The following GRM1 variants were observed in gnomAD, a reference collection of about 807,000 sequenced individuals.
The protein encoded by GRM1 is glutamate metabotropic receptor 1, also known as metabotropic glutamate receptor 1.
In GRM1, 33 loss-of-function variants were observed where a neutral mutation model predicts 90.9. The ratio of observed to expected loss-of-function variants is 0.36; its 90% CI spans 0.28 to 0.49. The LOEUF is 0.49. Among genes scored for constraint, GRM1 ranks in the 20% least tolerant of loss-of-function variants. The pLI is 0.99. For synonymous variants in GRM1, 700 were observed against 613.2 expected (o/e 1.14, Z -2.09); for missense variants, 1,190 against 1,534.3 (o/e 0.78, Z 3.75).
intron 5 of GRM1, among the ~76,000 whole-genome samples, chr6:146,385,261 C>T (rs140815899): frequency 7.2e-5 from 11 of 151,852 alleles, no homozygotes; most frequent in Non-Finnish European, 8.8e-5. Flanking sequence ...TTCAGAAGAA[C>T]GAAATAACAA....
chr6:146,222,211 C>T (rs1780086596), intron 2 of GRM1, among the ~76,000 whole-genome samples: 1 of 152,090 alleles, frequency 6.6e-6, no homozygotes. Flanking sequence ...CTTGGAGGGA[C>T]AATACATATT....
At chr6:146,279,605 T>A (rs1782495369) in intron 2 of GRM1, among the ~76,000 whole-genome samples, 1 of 152,146 alleles carries the variant, frequency 6.6e-6, no homozygotes, top group East Asian at 1.9e-4. Flanking sequence ...TTCAAAATAT[T>A]TGGTGATTTT....
At chr6:146,199,790 G>C (rs1332373380) in intron 2 of GRM1, among the ~76,000 whole-genome samples, 2 of 152,128 alleles carry the variant, frequency 1.3e-5, no homozygotes, top group South Asian at 2.1e-4. Context: ...GGCCAAGGAA[G>C]GCAAATCACC....
intron 7 of GRM1, among the ~76,000 whole-genome samples, chr6:146,414,167 G>T (rs1777674507): frequency 6.6e-6 from 1 of 152,046 alleles, no homozygotes; most frequent in Non-Finnish European, 1.5e-5. Context: ...CTCCTACCAA[G>T]AATGTATGAG....
chr6:146,194,207 C>T (rs1779033865), intron 2 of GRM1, among the ~76,000 whole-genome samples: 1 of 152,104 alleles, frequency 6.6e-6, no homozygotes. Flanking sequence ...CTCATATCTT[C>T]TTTGTCCAGT....
chr6:146,169,306 C>T (rs973686166), intron 2 of GRM1, among the ~76,000 whole-genome samples: 3 of 152,060 alleles, frequency 2.0e-5, no homozygotes, highest in African/African-American at 2.4e-5. Flanking sequence ...CTTTTCTTAA[C>T]ATGGTCATTC....
intron 2 of GRM1, among the ~76,000 whole-genome samples, chr6:146,174,959 G>A (rs886185693): frequency 6.6e-6 from 1 of 152,226 alleles, no homozygotes; most frequent in Admixed American, 6.5e-5. Flanking sequence ...GCCCAGGTGA[G>A]ATCTGGCTTC....
At chr6:146,300,738 A>T (rs1294674837) in intron 2 of GRM1, among the ~76,000 whole-genome samples, 3 of 151,916 alleles carry the variant, frequency 2.0e-5, no homozygotes, top group African/African-American at 7.2e-5. Flanking sequence ...TACCCAGCAC[A>T]GCAGGATTCA....
intron 2 of GRM1, among the ~76,000 whole-genome samples, chr6:146,170,009 C>T (rs1778047176): frequency 6.6e-6 from 1 of 152,084 alleles, no homozygotes; most frequent in Non-Finnish European, 1.5e-5. Flanking sequence ...TTTATTTCAC[C>T]TTTAATTTTG....
chr6:146,382,293 A>G (rs556142598), intron 5 of GRM1, among the ~76,000 whole-genome samples: 4 of 149,118 alleles, frequency 2.7e-5, no homozygotes, highest in Non-Finnish European at 5.9e-5. Flanking sequence ...AAACTAGAAC[A>G]TATATAAGAG....
chr6:146,037,756 C>T (rs1029913114), intron 1 of GRM1, among the ~76,000 whole-genome samples: 9 of 152,018 alleles, frequency 5.9e-5, no homozygotes, highest in Non-Finnish European at 1.2e-4. Flanking sequence ...TCTTTAGCAA[C>T]CCACTTACCC....
chr6:146,400,740 A>G (rs948889758), intron 7 of GRM1, among the ~76,000 whole-genome samples: 1 of 152,160 alleles, frequency 6.6e-6, no homozygotes, highest in Non-Finnish European at 1.5e-5. Context: ...CACCAGCAGC[A>G]TTAATTTCAC....
At chr6:146,220,026 C>T (rs546958245) in intron 2 of GRM1, among the ~76,000 whole-genome samples, 4 of 151,960 alleles carry the variant, frequency 2.6e-5, no homozygotes, top group African/African-American at 4.8e-5. Flanking sequence ...ACCGTGAGTA[C>T]GTAGAATTAC....
chr6:146,100,209 A>G (rs921407556), intron 1 of GRM1, among the ~76,000 whole-genome samples: 2 of 151,974 alleles, frequency 1.3e-5, no homozygotes, highest in African/African-American at 4.8e-5. Flanking sequence ...TTCTTTGCCT[A>G]CTCTTCTATT....
At chr6:146,276,927 C>T (rs1021354164) in intron 2 of GRM1, among the ~76,000 whole-genome samples, 3 of 151,952 alleles carry the variant, frequency 2.0e-5, no homozygotes, top group African/African-American at 7.2e-5. Flanking sequence ...ATAGTGATAC[C>T]CCCATCTCTA....
rs1472403424 is a variant in GRM1, at chr6:146,219,691, A to AAATATATTGGGTAAATATATGTG, written c.950+60094_950+60095insAATATATTGGGTAAATATATGTG. 4.7e-3 allele frequency among the ~76,000 whole-genome samples: 709 copies of AAATATATTGGGTAAATATATGTG among 152,276 alleles called. 8 individuals carry two copies. The highest frequency in any genetic ancestry group is 0.016 in the African/African-American group (680 of 41,546). On this transcript the variant is annotated intron_variant, in intron 2 of 7. Transcript: ENST00000282753. ...ATGTTTCAATTTTATGTGTGTGCAT[A>AAATATATTGGGTAAATATATGTG]TGTATTGGGTAAATATATTTCTTAT...
At chr6:146,321,647 G>T (rs1438474528) in intron 3 of GRM1, among the ~76,000 whole-genome samples, 1 of 151,568 alleles carries the variant, frequency 6.6e-6, no homozygotes, top group East Asian at 1.9e-4. Context: ...GAATCTCGGT[G>T]CTCCTGTATT....
intron 1 of GRM1, among the ~76,000 whole-genome samples, chr6:146,151,180 C>T (rs1032261637): frequency 3.9e-5 from 6 of 152,184 alleles, no homozygotes; most frequent in Non-Finnish European, 5.9e-5. Flanking sequence ...AGAGAGACTA[C>T]ATGAAATAAC....
chr6:146,378,465 T>C (rs1776194709), intron 5 of GRM1, among the ~76,000 whole-genome samples: 1 of 152,200 alleles, frequency 6.6e-6, no homozygotes, highest in South Asian at 2.1e-4. Context: ...GATTCAGACA[T>C]GGAGTCAAAA....
Sources: allele counts gnomAD v4.1 joint callset (sites outside exome capture counted in the v4.1 genomes callset), GRCh38; gene constraint gnomAD v4.1.1; transcripts MANE v1.5; gene names NCBI Gene and HGNC (gene_info 2026-07-23, HGNC 2026-07-21).